MCHR2: variants seen among roughly 807,000 people sequenced by gnomAD.
MCHR2 encodes the protein melanin-concentrating hormone receptor 2.
A neutral mutation model predicts 24.8 loss-of-function variants in MCHR2; 15 were observed. That is an observed-to-expected ratio of 0.60 (90% CI 0.40 to 0.93). The LOEUF is 0.93. Among genes scored for constraint, MCHR2 ranks in the 40% least tolerant of loss-of-function variants. The pLI, the probability that MCHR2 is intolerant of heterozygous loss-of-function variation, is 0.00. For missense variants in MCHR2, 386 were observed against 408.7 expected, an observed-to-expected ratio of 0.94 and a Z score of 0.48; for synonymous variants, 151 against 147.6, an observed-to-expected ratio of 1.02 and a Z score of -0.17.
chr6:99,930,091 C>T (rs1428132013), intron 5 of MCHR2, among the ~76,000 whole-genome samples: 1 of 151,754 alleles, frequency 6.6e-6, no homozygotes, highest in Non-Finnish European at 1.5e-5. Context: ...TTCTCCTTCA[C>T]TTACGAAGCT....
chr6:99,928,893 T>C (rs1481792757), intron 5 of MCHR2, among the ~76,000 whole-genome samples: 1 of 152,202 alleles, frequency 6.6e-6, no homozygotes, highest in Non-Finnish European at 1.5e-5. Flanking sequence ...TTGAATGTGT[T>C]TGCTCTTGGT....
chr6:99,929,934 C>T (rs9376568), intron 5 of MCHR2, among the ~76,000 whole-genome samples: 85,126 of 149,432 alleles, frequency 0.57, 24,576 homozygotes, highest in East Asian at 0.76. Context: ...TTCCTAGCCT[C>T]GACGGTCTTT....
At chr6:99,969,021 A>T (rs1308024931) in intron 1 of MCHR2, among the ~76,000 whole-genome samples, 3 of 152,212 alleles carry the variant, frequency 2.0e-5, no homozygotes, top group Non-Finnish European at 4.4e-5. Flanking sequence ...TGCATTTATT[A>T]TAAATGATGA....
At position 99,936,965 on chromosome 6, in the gene MCHR2, G is replaced by A. The variant is rs529739629; in HGVS notation, c.588-2448C>T. 6.6e-5 allele frequency among the ~76,000 whole-genome samples: 10 copies of A among 151,632 alleles called. No homozygotes were observed. The South Asian group carries it at 2.1e-3, about 32-fold the overall frequency. The stretch of plus-strand genomic sequence containing the variant: ...TGAATACTAGGTATTTTATATTCTT[G>A]GTAGCTATTTTGAAGGCCACTGCAT... On this transcript the variant is annotated intron_variant, in intron 4 of 5. Transcript: ENST00000281806.
rs1203558141 is a variant in MCHR2, at chr6:99,920,733, C to T, written c.*207G>A. On this transcript the variant is annotated 3_prime_UTR_variant, in exon 6 of 6. Transcript: ENST00000281806. ...GTATCTCAGACTATCCCATTCCCTACCCACAATATAGATCAACATTTTACA... is the reference window on the plus strand; with the variant it reads ...GTATCTCAGACTATCCCATTCCCTATCCACAATATAGATCAACATTTTACA... 5.4e-6 allele frequency: 3 copies of T among 559,068 alleles called. No homozygotes were observed. The highest frequency in any genetic ancestry group is 3.2e-6 in the Non-Finnish European group (1 of 314,616). The allele number at this position is 559,068 out of a possible 1,614,324, so 34.6% of individuals were successfully genotyped here.
chr6:99,954,645 A>G (rs1032971833), intron 2 of MCHR2, among the ~76,000 whole-genome samples: 5 of 152,166 alleles, frequency 3.3e-5, no homozygotes, highest in Admixed American at 6.5e-5. Context: ...TCACTGTATT[A>G]GTGGTGTTAA....
At chr6:99,931,433 C>T (rs1481980304) in intron 5 of MCHR2, among the ~76,000 whole-genome samples, 2 of 152,174 alleles carry the variant, frequency 1.3e-5, no homozygotes, top group African/African-American at 2.4e-5. Flanking sequence ...CTGTGCCCTG[C>T]CCCCAGAGGT....
intron 1 of MCHR2, among the ~76,000 whole-genome samples, chr6:99,992,738 C>A (rs1017501418): frequency 6.6e-6 from 1 of 152,112 alleles, no homozygotes; most frequent in Non-Finnish European, 1.5e-5. Context: ...GGCTAAGAGT[C>A]GAATAACATT....
intron 1 of MCHR2, among the ~76,000 whole-genome samples, chr6:99,985,347 C>CA (rs375406428): frequency 4.3e-4 from 65 of 151,902 alleles, no homozygotes; most frequent in Admixed American, 1.2e-3. Flanking sequence ...CATATGAAAC[C>CA]AAAAAAGAGT....
intron 1 of MCHR2, among the ~76,000 whole-genome samples, chr6:99,960,993 A>G (rs1465370869): frequency 1.3e-5 from 2 of 152,172 alleles, no homozygotes; most frequent in East Asian, 1.9e-4. Flanking sequence ...ATTTAATTAA[A>G]CTAAAGAGCT....
intron 2 of MCHR2, among the ~76,000 whole-genome samples, chr6:99,954,737 A>C (rs981881983): frequency 2.0e-5 from 3 of 152,196 alleles, no homozygotes; most frequent in African/African-American, 7.2e-5. Flanking sequence ...GTCAATATAG[A>C]GTCAGGAATG....
chr6:99,946,214 T>C (rs980946062), intron 3 of MCHR2, among the ~76,000 whole-genome samples: 4 of 152,134 alleles, frequency 2.6e-5, no homozygotes, highest in Non-Finnish European at 4.4e-5. Flanking sequence ...GGGGCTTTTC[T>C]CATGACACAG....
At chr6:99,932,289 T>C (rs1230476117) in intron 5 of MCHR2, among the ~76,000 whole-genome samples, 4 of 152,268 alleles carry the variant, frequency 2.6e-5, no homozygotes, top group African/African-American at 9.6e-5. Context: ...CATATCAGTC[T>C]ATAGTAATAT....
In MCHR2 at chr6:99,951,076, A is replaced by G. The variant is rs1004016691; in HGVS notation, c.183-3105T>C. Among the ~76,000 whole-genome samples the G allele has an allele frequency of 2.0e-5, 3 of 152,008 alleles. No homozygotes were observed. In the East Asian group the frequency reaches 5.8e-4, roughly 30 times the overall value. Reference sequence around the variant, plus strand: ...CTCCAGCTCCCACCAGGCAGCCCAGACTCCTGAGGACTGAAAAACCTCTTT... The same window carrying G: ...CTCCAGCTCCCACCAGGCAGCCCAGGCTCCTGAGGACTGAAAAACCTCTTT... On this transcript the variant is annotated intron_variant, in intron 2 of 5. Coordinates refer to ENST00000281806, the MANE Select transcript of MCHR2 (RefSeq NM_001040179.2).
chr6:99,964,347 T>C (rs1266708437), intron 1 of MCHR2, among the ~76,000 whole-genome samples: 1 of 152,164 alleles, frequency 6.6e-6, no homozygotes, highest in Non-Finnish European at 1.5e-5. Flanking sequence ...TAAAATGCCT[T>C]AAACTGAATG....
In MCHR2 at chr6:99,942,948, C is replaced by A; in HGVS notation, c.587+1G>T. ...GTTTTTCTTAAGTTTTCACAACTTA[C>A]CAGAGTACATCGTCAGGGGATGTCA... On this transcript the variant is annotated splice_donor_variant, in intron 4 of 5. Coordinates refer to ENST00000281806, the MANE Select transcript of MCHR2 (RefSeq NM_001040179.2). LOFTEE classifies it high-confidence loss of function. The A allele has an allele frequency of 6.2e-7, 1 of 1,608,026 alleles. No individual in the cohort carries two copies.
intron 5 of MCHR2, among the ~76,000 whole-genome samples, chr6:99,927,435 C>G (rs2114490836): frequency 6.6e-6 from 1 of 152,284 alleles, no homozygotes; most frequent in Admixed American, 6.5e-5. Context: ...GCAGTTTGGC[C>G]ATTTTCATGA....
At chr6:99,962,288 A>G (rs1219176822) in intron 1 of MCHR2, among the ~76,000 whole-genome samples, 3 of 152,200 alleles carry the variant, frequency 2.0e-5, no homozygotes, top group African/African-American at 7.2e-5. Flanking sequence ...AGAGAAATGA[A>G]GTTAGATAGC....
At chr6:99,970,740 A>G (rs1186490447) in intron 1 of MCHR2, among the ~76,000 whole-genome samples, 1 of 152,136 alleles carries the variant, frequency 6.6e-6, no homozygotes, top group Non-Finnish European at 1.5e-5. Context: ...ATTTTTGTAT[A>G]AAGTGTAAGG....
Sources: allele counts gnomAD v4.1 joint callset (sites outside exome capture counted in the v4.1 genomes callset), GRCh38; gene constraint gnomAD v4.1.1; transcripts MANE v1.5; gene names NCBI Gene and HGNC (gene_info 2026-07-23, HGNC 2026-07-21).